The following EPHX2 variants were observed in gnomAD, a reference collection of about 807,000 sequenced individuals.
EPHX2 encodes the protein epoxide hydrolase 2.
A neutral mutation model predicts 78.7 loss-of-function variants in EPHX2; 74 were observed. The observed-to-expected ratio is 0.94, with a 90% CI of 0.78 to 1.14. The LOEUF (loss-of-function observed/expected upper bound fraction) is 1.14. Among genes scored for constraint, EPHX2 ranks in the 50% most tolerant of loss-of-function variants. EPHX2 has a pLI of 0.00. For missense variants in EPHX2, 715 were observed against 702.5 expected (o/e 1.02, Z -0.20); for synonymous variants, 251 against 255.2 (o/e 0.98, Z 0.16).
chr8:27,513,255 C>T lies in EPHX2; in HGVS notation c.735+1345C>T, dbSNP rs72475828. ...GCTTTTCTGGGACTTAAAGCTACTG[C>T]TCAGCGCCACTGACATCCCTTCTAT... On this transcript the variant is annotated intron_variant, in intron 6 of 18. Coordinates refer to ENST00000521400, the MANE Select transcript of EPHX2 (RefSeq NM_001979.6). Among the ~76,000 whole-genome samples, 25 of 152,312 alleles carry T rather than the reference C, an allele frequency of 1.6e-4. 1 individual carries two copies. Among genetic ancestry groups the T allele is most frequent in the African/African-American group, 5.5e-4 (23 of 41,578 alleles).
intron 18 of EPHX2, 32 bp from the exon 19 acceptor site, chr8:27,544,412 A>AT (rs1220599456): frequency 8.1e-6 from 13 of 1,613,148 alleles, no homozygotes; most frequent in African/African-American, 2.7e-5. Flanking sequence ...GTGAATGGCT[A>AT]TTTTTTTCTT....
At chr8:27,536,989 G>T in intron 13 of EPHX2, 134 bp downstream of exon 13, 1 of 830,948 alleles carries the variant, frequency 1.2e-6, no homozygotes, top group Non-Finnish European at 1.8e-6. Context: ...GGGTAATTGA[G>T]GTCCTCACTC....
intron 12 of EPHX2, among the ~76,000 whole-genome samples, chr8:27,528,039 G>A (rs142460079): frequency 3.3e-5 from 5 of 152,190 alleles, no homozygotes; most frequent in African/African-American, 7.2e-5. Flanking sequence ...TGTTCTGTGC[G>A]CTATGGGGAG....
intron 10 of EPHX2, 95 bp downstream of exon 10, chr8:27,521,004 C>A: frequency 2.0e-6 from 3 of 1,504,852 alleles, no homozygotes; most frequent in Non-Finnish European, 2.8e-6. Flanking sequence ...GGTGCACGGG[C>A]AGGGAGGGCC....
In EPHX2 at chr8:27,503,679, A is replaced by T. The variant is rs545029636; in HGVS notation, c.262A>T (p.Ile88Leu). ...AKVCLPKNFSIKEIFDKAISA... is the reference protein window; with the variant it reads ...AKVCLPKNFSLKEIFDKAISA... ...AGTCTGCCTCCCCAAGAATTTCTCCATAAAAGAAATCTTTGACAAGGCGAT... is the reference window on the plus strand; with the variant it reads ...AGTCTGCCTCCCCAAGAATTTCTCCTTAAAAGAAATCTTTGACAAGGCGAT... Residue 88 changes from isoleucine (I) to leucine (L), a missense_variant, in exon 3 of 19, where the codon ATA (isoleucine) becomes TTA (leucine). Ile to Leu is a conservative substitution (Grantham distance 5, BLOSUM62 2). Transcript: ENST00000521400. 6.2e-7 allele frequency: 1 copy of T among 1,614,108 alleles called. No individual in the cohort carries two copies. The highest frequency in any genetic ancestry group is 1.1e-5 in the South Asian group (1 of 91,066).
In EPHX2 at chr8:27,517,200, T is replaced by C. The variant is rs142117412; in HGVS notation, c.910+802T>C. Among the ~76,000 whole-genome samples the C allele has an allele frequency of 2.5e-3, 384 of 152,310 alleles. 1 individual carries two copies. The highest frequency in any genetic ancestry group is 4.4e-3 in the Non-Finnish European group (300 of 68,034). On this transcript the variant is annotated intron_variant, in intron 8 of 18. Coordinates refer to ENST00000521400, the MANE Select transcript of EPHX2 (RefSeq NM_001979.6). ...TTTTCTTGTATTTTCTCTATTTTTG[T>C]TGTTCTTTTTCTTTTTGCTTTCTGG...
chr8:27,532,545 G>A (rs1372227434), intron 12 of EPHX2, among the ~76,000 whole-genome samples: 1 of 152,004 alleles, frequency 6.6e-6, no homozygotes, highest in African/African-American at 2.4e-5. Flanking sequence ...TCAGGGTCTC[G>A]GCAGGGTTGG....
chr8:27,495,005 AT>A lies in EPHX2; in HGVS notation c.101+3700del, dbSNP rs1439257203. 3.9e-5 allele frequency among the ~76,000 whole-genome samples: 6 copies of A among 152,288 alleles called. No individual in the cohort carries two copies. The South Asian group carries it at 6.2e-4, about 16-fold the overall frequency. ...TAATGGGAGGTTCCACCTGGCAGCA[AT>A]TTTGGCCTCAGTGTCTGCCTAATGG... is the stretch of plus-strand genomic sequence containing the variant. On this transcript the variant is annotated intron_variant, in intron 1 of 18. Coordinates refer to ENST00000521400, the MANE Select transcript of EPHX2 (RefSeq NM_001979.6).
At chr8:27,516,526 C>T in intron 8 of EPHX2, 128 bp downstream of exon 8, 1 of 832,802 alleles carries the variant, frequency 1.2e-6, no homozygotes. Flanking sequence ...CTGACTTCAC[C>T]TCTTTCCTCT....
intron 9 of EPHX2, among the ~76,000 whole-genome samples, 160 bp downstream of exon 9, chr8:27,518,232 C>T (rs149125875): frequency 9.1e-4 from 139 of 152,246 alleles, no homozygotes; most frequent in African/African-American, 3.2e-3. Flanking sequence ...TGATAGCCCA[C>T]ATGTATGCAG....
rs529031058 is a variant in EPHX2, at chr8:27,518,698, A to G, written c.945+626A>G. 1.8e-4 allele frequency among the ~76,000 whole-genome samples: 28 copies of G among 152,372 alleles called. No individual in the cohort carries two copies. In the South Asian group the frequency reaches 5.2e-3, roughly 28 times the overall value. ...TGACACTACGATTACAAAAGCCTCC[A>G]TCTCTGAGTCACAGCCCTGTGGGGG... is the stretch of plus-strand genomic sequence containing the variant. On this transcript the variant is annotated intron_variant, in intron 9 of 18. Coordinates refer to ENST00000521400, the MANE Select transcript of EPHX2 (RefSeq NM_001979.6).
chr8:27,543,423 A>G (rs1054683706), intron 16 of EPHX2, among the ~76,000 whole-genome samples: 5 of 152,036 alleles, frequency 3.3e-5, no homozygotes, highest in African/African-American at 4.8e-5. Flanking sequence ...TTAAGCATCT[A>G]TTTAATTCAG....
At chr8:27,544,113 G>A in intron 17 of EPHX2, 73 bp from the exon 18 acceptor site, 4 of 1,555,646 alleles carry the variant, frequency 2.6e-6, no homozygotes, top group Non-Finnish European at 3.5e-6. Context: ...GGCGTCCATT[G>A]CCCATTGCAC....
At chr8:27,541,611 G>A (rs920274500) in intron 16 of EPHX2, 69 bp downstream of exon 16, 28 of 1,531,434 alleles carry the variant, frequency 1.8e-5, no homozygotes, top group Non-Finnish European at 2.4e-5. Context: ...CCATTGGCCT[G>A]AGCTGATATG....
chr8:27,491,444 T>G (rs1413262659), intron 1 of EPHX2, 135 bp downstream of exon 1: 2 of 648,464 alleles, frequency 3.1e-6, no homozygotes, highest in Non-Finnish European at 2.5e-6. Context: ...ACTGAAGACC[T>G]GGCCCTGAAG....
chr8:27,494,589 A>C (rs1303411915), intron 1 of EPHX2, among the ~76,000 whole-genome samples: 1 of 152,226 alleles, frequency 6.6e-6, no homozygotes, highest in Non-Finnish European at 1.5e-5. Flanking sequence ...ATATGGGCGA[A>C]GTCTAACTGC....
chr8:27,540,721 C>A, intron 15 of EPHX2, 65 bp downstream of exon 15: 1 of 1,509,822 alleles, frequency 6.6e-7, no homozygotes, highest in Non-Finnish European at 9.2e-7. Context: ...CTTCAGCCCT[C>A]AGGGTGGAGG....
chr8:27,506,922 G>C lies in EPHX2; in HGVS notation c.588G>C (p.Leu196Phe). 2 of 1,614,098 alleles carry C rather than the reference G, an allele frequency of 1.2e-6. No individual in the cohort carries two copies. The highest frequency in any genetic ancestry group is 1.7e-6 in the Non-Finnish European group (2 of 1,180,004). ...IGANLKPARD[L>F]GMVTILVQDT... is the part of the protein sequence containing the mutation. ...CTAATCTGAAGCCAGCCCGTGACTT[G>C]GGAATGGTCACCATCCTGGTCCAGG... Residue 196 changes from leucine to phenylalanine, a missense_variant, in exon 5 of 19, where the codon TTG (leucine) becomes TTC (phenylalanine). Coordinates refer to ENST00000521400, the MANE Select transcript of EPHX2 (RefSeq NM_001979.6).
Position 27,517,636 on chromosome 8 carries a change from C to T in EPHX2, c.911-402C>T, listed in dbSNP as rs190957395. Among the ~76,000 whole-genome samples the T allele has an allele frequency of 1.4e-3, 207 of 152,308 alleles. 1 individual carries two copies. The highest frequency in any genetic ancestry group is 7.3e-3 in the South Asian group (35 of 4,822). Reference sequence around the variant, plus strand: ...CTTTGACAAGGGTATCAAGAATACACAGTGGAGAAAGGACACTCTCTTCAA... The same window carrying T: ...CTTTGACAAGGGTATCAAGAATACATAGTGGAGAAAGGACACTCTCTTCAA... On this transcript the variant is annotated intron_variant, in intron 8 of 18. Coordinates refer to ENST00000521400, the MANE Select transcript of EPHX2 (RefSeq NM_001979.6).
Sources: gnomAD v4.1 joint callset for allele counts (sites outside exome capture counted in the v4.1 genomes callset) on GRCh38, gnomAD v4.1.1 for gene constraint, MANE v1.5 for transcripts, NCBI Gene and HGNC (gene_info 2026-07-23, HGNC 2026-07-21) for gene names.